Variants in B3GALT1 observed in about 807,000 individuals in gnomAD.
The protein encoded by B3GALT1 is beta-1,3-galactosyltransferase 1, also known as UDP-Gal:betaGlcNAc beta 1,3-galactosyltransferase, polypeptide 1.
B3GALT1 carries 10 observed loss-of-function variants against 23.2 expected under a neutral mutation model. The ratio of observed to expected loss-of-function variants is 0.43; its 90% CI spans 0.27 to 0.73. The LOEUF (loss-of-function observed/expected upper bound fraction) is 0.73, where lower values mean the gene tolerates loss of function less well. Ranked by LOEUF, B3GALT1 falls within the 30% of genes least tolerant of loss-of-function variation. The probability of loss-of-function intolerance (pLI) is 0.21; values close to 1 mark genes in which losing one functional copy is unlikely to be tolerated. For synonymous variants in B3GALT1, 156 were observed against 141.5 expected (o/e 1.10, Z -0.73); for missense variants, 299 against 405.4 (o/e 0.74, Z 2.25).
intron 3 of B3GALT1, among the ~76,000 whole-genome samples, chr2:167,663,606 A>G (rs1215028357): frequency 4.7e-5 from 7 of 149,968 alleles, no homozygotes; most frequent in Non-Finnish European, 1.0e-4. Context: ...ATTTCTCCAC[A>G]TCCTCTCCAG....
intron 2 of B3GALT1, among the ~76,000 whole-genome samples, chr2:167,501,718 C>CAAAA (rs35445623): frequency 1.4e-4 from 9 of 65,404 alleles, no homozygotes; most frequent in African/African-American, 1.7e-4. Context: ...TCTACAGTGG[C>CAAAA]AAAAAAAAAA....
At chr2:167,482,980 T>C (rs949281277) in intron 1 of B3GALT1, among the ~76,000 whole-genome samples, 1 of 152,186 alleles carries the variant, frequency 6.6e-6, no homozygotes, top group African/African-American at 2.4e-5. Context: ...GCTATCTCTG[T>C]TCTTTTCTCA....
intron 2 of B3GALT1, among the ~76,000 whole-genome samples, chr2:167,537,825 CTTTTTTT>C (rs530916294): frequency 7.5e-6 from 1 of 132,936 alleles, no homozygotes; most frequent in Non-Finnish European, 1.6e-5. Context: ...GATGCTTGTT[CTTTTTTT>C]TTTTTTTTTT....
At chr2:167,774,588 C>G (rs1208074693) in intron 3 of B3GALT1, among the ~76,000 whole-genome samples, 1 of 149,734 alleles carries the variant, frequency 6.7e-6, no homozygotes, top group Non-Finnish European at 1.5e-5. Context: ...GTCTCCGCCT[C>G]CCGGGTTCAA....
chr2:167,399,328 T>C (rs1698149662), intron 1 of B3GALT1, among the ~76,000 whole-genome samples: 2 of 152,252 alleles, frequency 1.3e-5, no homozygotes, highest in East Asian at 3.9e-4. Context: ...AGAATAGTTG[T>C]TAATTTATAG....
intron 1 of B3GALT1, among the ~76,000 whole-genome samples, chr2:167,302,965 A>G (rs1696474344): frequency 3.3e-5 from 5 of 152,254 alleles, no homozygotes; most frequent in Non-Finnish European, 5.9e-5. Context: ...TTCTAAAAGC[A>G]TAAATACGTT....
At chr2:167,408,798 CAAA>C (rs1178640940) in intron 1 of B3GALT1, among the ~76,000 whole-genome samples, 34 of 10,756 alleles carry the variant, frequency 3.2e-3, no homozygotes, top group South Asian at 6.7e-3. Context: ...AAGATGTATA[CAAA>C]AAAAAAAAAA....
rs530114020 is a variant in B3GALT1 at position 167,524,336 on chromosome 2, G to A, written c.-410+34059G>A. On this transcript the variant is annotated intron_variant, in intron 2 of 4. Coordinates refer to ENST00000392690, the MANE Select transcript of B3GALT1 (RefSeq NM_020981.4). The stretch of plus-strand genomic sequence containing the variant: ...ACTTGAGAAAAAATGCAGATTTATT[G>A]TAAATAGCAGGTTAACCACTGTTCA... Among the ~76,000 whole-genome samples, 14 of 152,210 alleles carry A rather than the reference G, an allele frequency of 9.2e-5. No homozygotes were observed. In the South Asian group the frequency reaches 2.9e-3, roughly 32 times the overall value.
intron 3 of B3GALT1, among the ~76,000 whole-genome samples, chr2:167,802,010 GC>G (rs1461494185): frequency 6.6e-6 from 1 of 152,168 alleles, no homozygotes; most frequent in East Asian, 1.9e-4. Flanking sequence ...TTTTATACAA[GC>G]TTTGTGGGGT....
intron 3 of B3GALT1, among the ~76,000 whole-genome samples, 183 bp downstream of exon 3, chr2:167,647,149 A>G (rs987173368): frequency 2.0e-5 from 3 of 152,248 alleles, no homozygotes; most frequent in African/African-American, 7.2e-5. Context: ...TGTACATCTC[A>G]GAAAGGAAGT....
chr2:167,587,055 G>T (rs372158247), intron 2 of B3GALT1, among the ~76,000 whole-genome samples: 28 of 152,130 alleles, frequency 1.8e-4, no homozygotes, highest in African/African-American at 4.8e-4. Context: ...TATTTCTAGA[G>T]CTTATTTTAA....
At position 167,437,527 on chromosome 2, in the gene B3GALT1, T is replaced by G. The variant is rs113283831; in HGVS notation, c.-510-52650T>G. On this transcript the variant is annotated intron_variant, in intron 1 of 4. Coordinates refer to ENST00000392690, the MANE Select transcript of B3GALT1 (RefSeq NM_020981.4). Reference sequence around the variant, plus strand: ...TCCCCTTCAGAAATCTAAAACACCATGTAATTTTCTCAGAATTGGGAGGTA... The same window carrying G: ...TCCCCTTCAGAAATCTAAAACACCAGGTAATTTTCTCAGAATTGGGAGGTA... Among the ~76,000 whole-genome samples the G allele has an allele frequency of 3.7e-3, 563 of 152,262 alleles. 6 individuals carry two copies. Among genetic ancestry groups the G allele is most frequent in the African/African-American group, 0.013 (538 of 41,578 alleles).
chr2:167,549,396 T>G (rs11890435), intron 2 of B3GALT1, among the ~76,000 whole-genome samples: 8,860 of 152,262 alleles, frequency 0.058, 761 homozygotes, highest in African/African-American at 0.19. Flanking sequence ...AGTGCCCTGC[T>G]GCCTCACAAT....
intron 4 of B3GALT1, among the ~76,000 whole-genome samples, chr2:167,841,995 A>C (rs543440483): frequency 1.7e-4 from 26 of 152,368 alleles, no homozygotes; most frequent in Non-Finnish European, 2.9e-4. Flanking sequence ...ACTTTATTAG[A>C]ATGCGGTTTA....
chr2:167,543,850 T>TA (rs1387913072), intron 2 of B3GALT1, among the ~76,000 whole-genome samples: 5 of 152,198 alleles, frequency 3.3e-5, no homozygotes, highest in Non-Finnish European at 5.9e-5. Flanking sequence ...GAATCAGACA[T>TA]ATACTGGCTG....
chr2:167,310,373 A>T (rs547410105), intron 1 of B3GALT1, among the ~76,000 whole-genome samples: 1 of 152,220 alleles, frequency 6.6e-6, no homozygotes, highest in Non-Finnish European at 1.5e-5. Flanking sequence ...AAAACAAGAC[A>T]GAGAAAGGGC....
chr2:167,341,314 A>G (rs1574040020), intron 1 of B3GALT1, among the ~76,000 whole-genome samples: 1 of 152,202 alleles, frequency 6.6e-6, no homozygotes, highest in African/African-American at 2.4e-5. Flanking sequence ...ATGCACTTCA[A>G]ATATTTGTTT....
At chr2:167,759,627 C>T (rs542946621) in intron 3 of B3GALT1, among the ~76,000 whole-genome samples, 2 of 152,070 alleles carry the variant, frequency 1.3e-5, no homozygotes, top group Non-Finnish European at 1.5e-5. Flanking sequence ...AGGAGCAAGC[C>T]GGTAATTGGC....
At chr2:167,295,391 C>G (rs945656958) in intron 1 of B3GALT1, among the ~76,000 whole-genome samples, 1 of 152,060 alleles carries the variant, frequency 6.6e-6, no homozygotes, top group Non-Finnish European at 1.5e-5. Context: ...GTTATTGAAA[C>G]CTTCAGGACT....
Sources: allele counts gnomAD v4.1 joint callset (sites outside exome capture counted in the v4.1 genomes callset), GRCh38; gene constraint gnomAD v4.1.1; transcripts MANE v1.5; gene names NCBI Gene and HGNC (gene_info 2026-07-23, HGNC 2026-07-21).